Variants in SYNDIG1 observed in about 807,000 individuals in gnomAD.
SYNDIG1 encodes synapse differentiation inducing 1.
SYNDIG1 carries 9 observed loss-of-function variants against 19.4 expected under a neutral mutation model. The observed-to-expected ratio is 0.46, with a 90% CI of 0.28 to 0.81. SYNDIG1 has a LOEUF of 0.81. Among genes scored for constraint, SYNDIG1 ranks in the 30% least tolerant of loss-of-function variants. The probability of loss-of-function intolerance (pLI) is 0.12; values close to 1 mark genes in which losing one functional copy is unlikely to be tolerated. For synonymous variants in SYNDIG1, 141 were observed against 145.9 expected, an observed-to-expected ratio of 0.97 and a Z score of 0.24; for missense variants, 311 against 343.3, an observed-to-expected ratio of 0.91 and a Z score of 0.74.
At chr20:24,664,989 G>C (rs1053307585) in intron 3 of SYNDIG1, among the ~76,000 whole-genome samples, 1 of 152,192 alleles carries the variant, frequency 6.6e-6, no homozygotes, top group Non-Finnish European at 1.5e-5. Flanking sequence ...AGAAAGAGCA[G>C]CACTAGAGGA....
At chr20:24,487,842 A>G (rs2056012029) in intron 1 of SYNDIG1, among the ~76,000 whole-genome samples, 1 of 152,284 alleles carries the variant, frequency 6.6e-6, no homozygotes, top group East Asian at 1.9e-4. Context: ...GACTGACCCC[A>G]TAACTGGCTT....
At chr20:24,594,748 G>A (rs2147092513) in intron 3 of SYNDIG1, among the ~76,000 whole-genome samples, 1 of 152,250 alleles carries the variant, frequency 6.6e-6, no homozygotes, top group African/African-American at 2.4e-5. Flanking sequence ...TCACCTCCCT[G>A]TTAGCTGTAT....
chr20:24,553,946 G>A (rs1420110704), intron 2 of SYNDIG1, among the ~76,000 whole-genome samples: 5 of 152,164 alleles, frequency 3.3e-5, no homozygotes, highest in African/African-American at 1.2e-4. Context: ...CATGAGCATG[G>A]AATGTTCTTC....
chr20:24,579,394 G>A (rs2058284986), intron 2 of SYNDIG1, among the ~76,000 whole-genome samples: 1 of 152,198 alleles, frequency 6.6e-6, no homozygotes, highest in African/African-American at 2.4e-5. Context: ...ATCCTTGTCT[G>A]GTTGGATGCA....
intron 3 of SYNDIG1, among the ~76,000 whole-genome samples, 173 bp from the exon 4 acceptor site, chr20:24,665,173 T>C (rs1411657736): frequency 2.6e-5 from 4 of 152,164 alleles, no homozygotes; most frequent in Non-Finnish European, 5.9e-5. Context: ...CACATTTGTT[T>C]CTTGCAGTTA....
intron 3 of SYNDIG1, among the ~76,000 whole-genome samples, chr20:24,643,795 C>G (rs2059400763): frequency 6.6e-6 from 1 of 152,208 alleles, no homozygotes; most frequent in East Asian, 1.9e-4. Context: ...CAGTGTCATA[C>G]AGAATAGTTT....
intron 2 of SYNDIG1, among the ~76,000 whole-genome samples, chr20:24,578,241 G>A (rs1363425170): frequency 6.6e-6 from 1 of 152,192 alleles, no homozygotes; most frequent in East Asian, 1.9e-4. Flanking sequence ...TCAGGAGTTC[G>A]AGACCAGCCT....
chr20:24,507,640 G>T (rs1387219302), intron 1 of SYNDIG1, among the ~76,000 whole-genome samples: 1 of 152,200 alleles, frequency 6.6e-6, no homozygotes, highest in East Asian at 1.9e-4. Context: ...TCCTCCTTTG[G>T]CTGCTGAAGG....
chr20:24,581,353 C>T (rs954834165), intron 2 of SYNDIG1, among the ~76,000 whole-genome samples: 1 of 152,108 alleles, frequency 6.6e-6, no homozygotes, highest in Non-Finnish European at 1.5e-5. Flanking sequence ...AATAAACAGA[C>T]AGGCGGATTT....
intron 1 of SYNDIG1, among the ~76,000 whole-genome samples, chr20:24,470,392 T>C (rs912318541): frequency 1.3e-5 from 2 of 152,218 alleles, no homozygotes; most frequent in Admixed American, 6.5e-5. Flanking sequence ...TCCTGGAGCC[T>C]CTTTCCTCTA....
intron 2 of SYNDIG1, among the ~76,000 whole-genome samples, chr20:24,548,801 G>C (rs2057643374): frequency 6.6e-6 from 1 of 152,122 alleles, no homozygotes; most frequent in Non-Finnish European, 1.5e-5. Context: ...CTTAGGGGGA[G>C]CTTTTAGCTT....
chr20:24,505,022 A>AG (rs1226022515), intron 1 of SYNDIG1, among the ~76,000 whole-genome samples: 4 of 152,012 alleles, frequency 2.6e-5, no homozygotes, highest in Non-Finnish European at 4.4e-5. Flanking sequence ...TTCATGGAGG[A>AG]GGTGGTGAAC....
At chr20:24,653,793 AG>A (rs2059497001) in intron 3 of SYNDIG1, among the ~76,000 whole-genome samples, 1 of 152,230 alleles carries the variant, frequency 6.6e-6, no homozygotes, top group African/African-American at 2.4e-5. Flanking sequence ...GATTCTCCTG[AG>A]GCCACTCTCC....
At chr20:24,481,118 G>T (rs2055784690) in intron 1 of SYNDIG1, among the ~76,000 whole-genome samples, 1 of 152,188 alleles carries the variant, frequency 6.6e-6, no homozygotes, top group African/African-American at 2.4e-5. Flanking sequence ...TTGTGTGTGT[G>T]TGTGTTTTTT....
At chr20:24,662,991 T>G (rs2059617218) in intron 3 of SYNDIG1, among the ~76,000 whole-genome samples, 2 of 152,234 alleles carry the variant, frequency 1.3e-5, no homozygotes, top group African/African-American at 4.8e-5. Flanking sequence ...GTCTTCCCAT[T>G]TGCACCCTGC....
chr20:24,612,135 C>T (rs1228647044), intron 3 of SYNDIG1, among the ~76,000 whole-genome samples: 1 of 152,234 alleles, frequency 6.6e-6, no homozygotes, highest in East Asian at 1.9e-4. Context: ...CCATTGTGTG[C>T]TGTTCATGAG....
chr20:24,615,468 A>G (rs556820621), intron 3 of SYNDIG1, among the ~76,000 whole-genome samples: 1 of 152,292 alleles, frequency 6.6e-6, no homozygotes, highest in Admixed American at 6.5e-5. Context: ...ACCTCTCTCT[A>G]ACTGCCAGGC....
chr20:24,596,967 G>C (rs2058605135), intron 3 of SYNDIG1: 1 of 105,006 alleles, frequency 9.5e-6, no homozygotes, highest in South Asian at 2.8e-4. Flanking sequence ...AGATGGTAAA[G>C]GGGGGCACAC....
At chr20:24,570,969 A>G (rs1331256004) in intron 2 of SYNDIG1, among the ~76,000 whole-genome samples, 1 of 152,230 alleles carries the variant, frequency 6.6e-6, no homozygotes, top group Admixed American at 6.5e-5. Context: ...AACTATGGAT[A>G]CACCCAGCAA....
Sources: allele counts gnomAD v4.1 joint callset (sites outside exome capture counted in the v4.1 genomes callset), GRCh38; gene constraint gnomAD v4.1.1; transcripts MANE v1.5; gene names NCBI Gene and HGNC (gene_info 2026-07-23, HGNC 2026-07-21).